ATP6V0A4: variants seen among roughly 807,000 people sequenced by gnomAD.
ATP6V0A4 encodes the protein V-type proton ATPase 116 kDa subunit a 4.
A neutral mutation model predicts 107.3 loss-of-function variants in ATP6V0A4; 86 were observed. The ratio of observed to expected loss-of-function variants is 0.80; its 90% confidence interval spans 0.67 to 0.96. ATP6V0A4 has a LOEUF of 0.96. ATP6V0A4 is among the 40% of genes least tolerant of loss of function. ATP6V0A4 has a pLI of 0.00. For missense variants in ATP6V0A4, 908 were observed against 1,045.6 expected, an observed-to-expected ratio of 0.87 and a Z score of 1.81; for synonymous variants, 353 against 381.4, an observed-to-expected ratio of 0.93 and a Z score of 0.87.
At chr7:138,771,499 TC>T (rs1473525636) in intron 2 of ATP6V0A4, among the ~76,000 whole-genome samples, 2 of 151,256 alleles carry the variant, frequency 1.3e-5, no homozygotes, top group East Asian at 3.9e-4. Flanking sequence ...CCTCCCAGGC[TC>T]AAGTAATCCA....
chr7:138,756,045 G>A (rs910213216), intron 9 of ATP6V0A4: 1 of 596,550 alleles, frequency 1.7e-6, no homozygotes, highest in African/African-American at 1.9e-5. Flanking sequence ...GGGTAAATAA[G>A]ACTGCAAGCT....
chr7:138,734,301 A>T, intron 15 of ATP6V0A4, 47 bp from the exon 16 acceptor site: 4 of 1,609,410 alleles, frequency 2.5e-6, no homozygotes, highest in Non-Finnish European at 3.4e-6. Context: ...GAGTCTTAGA[A>T]GTTCTACTGG....
At chr7:138,785,972 C>T (rs994144856) in intron 2 of ATP6V0A4, among the ~76,000 whole-genome samples, 186 bp downstream of exon 2, 2 of 152,204 alleles carry the variant, frequency 1.3e-5, no homozygotes, top group African/African-American at 2.4e-5. Flanking sequence ...TGCTGTTCTA[C>T]CACTTTCTGT....
At chr7:138,774,948 C>T (rs1486894360) in intron 2 of ATP6V0A4, among the ~76,000 whole-genome samples, 1 of 151,902 alleles carries the variant, frequency 6.6e-6, no homozygotes, top group Admixed American at 6.6e-5. Context: ...TTGTCTTTTC[C>T]TATTTCTTTG....
intron 1 of ATP6V0A4, among the ~76,000 whole-genome samples, chr7:138,791,751 T>C (rs955828354): frequency 4.9e-4 from 74 of 152,052 alleles, no homozygotes; most frequent in Non-Finnish European, 8.5e-4. Flanking sequence ...GAAGGAAGAA[T>C]AAAAACATAT....
At chr7:138,756,333 T>C (rs1806509743) in intron 9 of ATP6V0A4, 125 bp downstream of exon 9, 1 of 1,506,136 alleles carries the variant, frequency 6.6e-7, no homozygotes, top group South Asian at 1.2e-5. Flanking sequence ...GACTTTTATG[T>C]GAGAAAGTTA....
chr7:138,744,625 T>C (rs1359146783), intron 14 of ATP6V0A4, among the ~76,000 whole-genome samples: 2 of 152,230 alleles, frequency 1.3e-5, no homozygotes, highest in African/African-American at 4.8e-5. Flanking sequence ...TTTGACCTCC[T>C]TGGCCCAAGC....
At chr7:138,715,087 G>A (rs1803963096) in intron 20 of ATP6V0A4, among the ~76,000 whole-genome samples, 1 of 152,200 alleles carries the variant, frequency 6.6e-6, no homozygotes, top group Non-Finnish European at 1.5e-5. Flanking sequence ...AGGCTGGAAA[G>A]GCCAGGAAAC....
rs774897507 is a variant in ATP6V0A4 at position 138,778,315 on chromosome 7, C to T, written c.-17-7051G>A. ...CGCAAAGGTTGCAGTGAGCCAAGAT[C>T]GCGCCACTGCACTCCAGCCTGGGCA... is the stretch of plus-strand genomic sequence containing the variant. On this transcript the variant is annotated intron_variant, in intron 2 of 21. Coordinates refer to ENST00000310018, the MANE Select transcript of ATP6V0A4 (RefSeq NM_020632.3). Among the ~76,000 whole-genome samples the T allele has an allele frequency of 1.2e-4, 15 of 123,294 alleles. 1 individual carries two copies. Among genetic ancestry groups the T allele is most frequent in the African/African-American group, 2.4e-4 (8 of 33,742 alleles). The allele number at this position is 123,294 out of a possible 152,430, so 80.9% of individuals were successfully genotyped here. A position where few individuals can be genotyped will look rare whatever the true frequency, so the allele number is the denominator to read the frequency against.
In ATP6V0A4 at chr7:138,739,548, T is replaced by A. The variant is rs767979718; in HGVS notation, c.1564A>T (p.Ile522Phe). The change falls in exon 15 of 22, where the codon ATT becomes TTT. Residue 522 changes from isoleucine to phenylalanine, a missense_variant. Physicochemically the swap from Ile to Phe is conservative, Grantham distance 21. Transcript: ENST00000310018. ...CAAGAAGACATTATTACCGGATCAA[T>A]CCCAAACGGGTATGGATTTCCAAAA... ...VYFGNPYPFG[I>F]DPIWNLASNK... 2.5e-6 allele frequency: 4 copies of A among 1,614,072 alleles called. No homozygotes were observed. The highest frequency in any genetic ancestry group is 2.5e-6 in the Non-Finnish European group (3 of 1,180,040).
intron 21 of ATP6V0A4, 182 bp from the exon 22 acceptor site, chr7:138,706,899 T>C (rs1350879015): frequency 6.8e-6 from 4 of 590,312 alleles, no homozygotes; most frequent in Non-Finnish European, 8.4e-6. Flanking sequence ...ATTTTTTTTT[T>C]TTTTTTTTTT....
At chr7:138,749,865 G>A (rs1041821458) in intron 11 of ATP6V0A4, among the ~76,000 whole-genome samples, 5 of 151,996 alleles carry the variant, frequency 3.3e-5, no homozygotes, top group African/African-American at 9.7e-5. Context: ...TCCTTCTCTG[G>A]TTTCAGTCAG....
chr7:138,739,629 G>T lies in ATP6V0A4; in HGVS notation c.1483C>A (p.His495Asn). 1 of 1,614,022 alleles carries T rather than the reference G, an allele frequency of 6.2e-7. No individual in the cohort carries two copies. Among genetic ancestry groups the T allele is most frequent in the South Asian group, 1.1e-5 (1 of 91,078 alleles). ...AGATATAGACTTTCCTCCATTACAT[G>T]AGTACTTTAGAGGGAGAAAAGGAGA... ...PMFRNGTWNT[H>N]VMEESLYLQL... is the part of the protein sequence containing the mutation. The change falls in exon 15 of 22, where the codon CAT becomes AAT. Residue 495 changes from histidine to asparagine, a missense_variant. Physicochemically the swap from His to Asn is moderately conservative, Grantham distance 68. Coordinates refer to ENST00000310018, the MANE Select transcript of ATP6V0A4 (RefSeq NM_020632.3).
chr7:138,783,651 G>C (rs376312383), intron 2 of ATP6V0A4, among the ~76,000 whole-genome samples: 1 of 151,986 alleles, frequency 6.6e-6, no homozygotes, highest in Non-Finnish European at 1.5e-5. Context: ...ACTTGAGCTC[G>C]GGAGTGCAAG....
chr7:138,798,033 C>T lies in ATP6V0A4; in HGVS notation c.-121+1G>A. 2 of 1,554,008 alleles carry T rather than the reference C, an allele frequency of 1.3e-6. No homozygotes were observed. Among genetic ancestry groups the T allele is most frequent in the Admixed American group, 2.0e-5 (1 of 51,164 alleles). ...GCTCCTGCAGGTGGGAGTCGACTCA[C>T]CTGCAGCAGGCACTCGGCACAACTC... On this transcript the variant is annotated splice_donor_variant, in intron 1 of 21. Coordinates refer to ENST00000310018, the MANE Select transcript of ATP6V0A4 (RefSeq NM_020632.3). LOFTEE classifies it low-confidence loss of function (5UTR_SPLICE).
At chr7:138,788,132 C>T (rs893555802) in intron 1 of ATP6V0A4, among the ~76,000 whole-genome samples, 4 of 152,130 alleles carry the variant, frequency 2.6e-5, no homozygotes, top group African/African-American at 4.8e-5. Flanking sequence ...CTATCTGGTT[C>T]GCTTCGGTTT....
rs1803639030 is a variant in ATP6V0A4, at chr7:138,709,743, T to A, written c.2310A>T (p.Arg770=). ...AAACCCCGACGATTCCTCCCCAGCC[T>A]CGCGTCTGAAGGCCGCTGTTCATCA... ...TMVMNSGLQT[R]GWGGIVGVFI... The change falls in exon 21 of 22, where the codon CGA becomes CGT. Residue 770 remains arginine, a synonymous_variant. Transcript: ENST00000310018. 26 of 1,614,072 alleles carry A rather than the reference T, an allele frequency of 1.6e-5. No individual in the cohort carries two copies. The East Asian group carries it at 5.8e-4, about 36-fold the overall frequency.
At chr7:138,711,536 G>A (rs3778704) in intron 20 of ATP6V0A4, among the ~76,000 whole-genome samples, 1,684 of 152,250 alleles carry the variant, frequency 0.011, 28 homozygotes, top group East Asian at 0.067. Context: ...CCACTTGCAA[G>A]CGGCTATCAG....
At chr7:138,787,782 G>C (rs1451094666) in intron 1 of ATP6V0A4, among the ~76,000 whole-genome samples, 3 of 152,202 alleles carry the variant, frequency 2.0e-5, no homozygotes, top group Non-Finnish European at 4.4e-5. Flanking sequence ...AGGATCGCTT[G>C]AGCCCAGGAG....
Sources: allele counts gnomAD v4.1 joint callset (sites outside exome capture counted in the v4.1 genomes callset), GRCh38; gene constraint gnomAD v4.1.1; transcripts MANE v1.5; gene names NCBI Gene and HGNC (gene_info 2026-07-23, HGNC 2026-07-21).